The following TFPI variants were observed in gnomAD, a reference collection of about 807,000 sequenced individuals.
TFPI encodes the protein tissue factor pathway inhibitor.
TFPI carries 15 observed loss-of-function variants against 34.6 expected under a neutral mutation model. The observed-to-expected ratio is 0.43, with a 90% CI of 0.29 to 0.67. TFPI has a LOEUF of 0.67. Ranked by LOEUF, TFPI falls within the 30% of genes least tolerant of loss-of-function variation. TFPI has a pLI of 0.15. For synonymous variants in TFPI, 105 were observed against 120.1 expected, an observed-to-expected ratio of 0.87 and a Z score of 0.82; for missense variants, 301 against 364.0, an observed-to-expected ratio of 0.83 and a Z score of 1.41.
chr2:187,503,564 A>T, intron 2 of TFPI, 84 bp downstream of exon 2: 1 of 1,510,590 alleles, frequency 6.6e-7, no homozygotes, highest in East Asian at 2.3e-5. Flanking sequence ...ATTTCCCTCC[A>T]CAATGGAAAA....
chr2:187,532,029 T>G (rs1490103600), intron 1 of TFPI, among the ~76,000 whole-genome samples: 1 of 152,164 alleles, frequency 6.6e-6, no homozygotes, highest in Non-Finnish European at 1.5e-5. Context: ...CTTTTTACAC[T>G]GGAAAAGTAA....
chr2:187,543,043 T>C (rs983878198), intron 1 of TFPI, among the ~76,000 whole-genome samples: 1 of 152,164 alleles, frequency 6.6e-6, no homozygotes, highest in African/African-American at 2.4e-5. Context: ...AGCAAGACTT[T>C]GACAGGTGCT....
intron 2 of TFPI, 59 bp from the exon 3 acceptor site, chr2:187,497,137 C>A (rs1392341838): frequency 3.1e-5 from 44 of 1,413,848 alleles, no homozygotes; most frequent in Non-Finnish European, 4.0e-5. Context: ...TAATAATGTT[C>A]TTTATTTCCT....
Position 187,484,113 on chromosome 2 carries a change from A to C in TFPI, c.628+11T>G. ...GTTTCCTGGAAGCAATAAAATCCAC[A>C]AGATTCTTACCAAAAAGGCTGGGAA... is the stretch of plus-strand genomic sequence containing the variant. On this transcript the variant is annotated intron_variant, in intron 6 of 7. Transcript: ENST00000233156. 1.2e-6 allele frequency: 2 copies of C among 1,610,408 alleles called. No individual in the cohort carries two copies. The highest frequency in any genetic ancestry group is 1.7e-6 in the Non-Finnish European group (2 of 1,177,218).
At chr2:187,523,222 A>T (rs1429845593) in intron 1 of TFPI, among the ~76,000 whole-genome samples, 1 of 152,168 alleles carries the variant, frequency 6.6e-6, no homozygotes, top group Non-Finnish European at 1.5e-5. Flanking sequence ...AACTTTGTTT[A>T]AGTGAAACAT....
intron 4 of TFPI, among the ~76,000 whole-genome samples, chr2:187,485,726 T>G (rs1158075658): frequency 4.6e-5 from 7 of 151,658 alleles, no homozygotes; most frequent in Non-Finnish European, 7.4e-5. Flanking sequence ...TGTGCCACTG[T>G]GATCTACATC....
At chr2:187,472,176 T>C (rs1692078360) in intron 6 of TFPI, among the ~76,000 whole-genome samples, 1 of 152,174 alleles carries the variant, frequency 6.6e-6, no homozygotes, top group Non-Finnish European at 1.5e-5. Context: ...TAATATTCTA[T>C]ATTACTATAC....
At chr2:187,537,614 A>G (rs1012981566) in intron 1 of TFPI, among the ~76,000 whole-genome samples, 2 of 152,200 alleles carry the variant, frequency 1.3e-5, no homozygotes, top group African/African-American at 4.8e-5. Context: ...ACTTAAATGT[A>G]AGTCCTAAAA....
chr2:187,482,831 G>C (rs1692975156), intron 6 of TFPI, among the ~76,000 whole-genome samples: 1 of 151,896 alleles, frequency 6.6e-6, no homozygotes, highest in Non-Finnish European at 1.5e-5. Context: ...GAAATAGGCA[G>C]GACTAAAGGG....
At chr2:187,528,085 C>A (rs1480617283) in intron 1 of TFPI, among the ~76,000 whole-genome samples, 2 of 151,992 alleles carry the variant, frequency 1.3e-5, no homozygotes, top group Admixed American at 6.6e-5. Flanking sequence ...TAAATGTTTT[C>A]TATTTCTAAA....
intron 6 of TFPI, 102 bp downstream of exon 6, chr2:187,484,022 G>C: frequency 2.2e-6 from 2 of 901,446 alleles, no homozygotes; most frequent in Non-Finnish European, 3.5e-6. Flanking sequence ...CAACAACGCA[G>C]GTATATATAT....
At chr2:187,550,047 A>G (rs995407993) in intron 1 of TFPI, among the ~76,000 whole-genome samples, 4 of 152,100 alleles carry the variant, frequency 2.6e-5, no homozygotes, top group South Asian at 4.2e-4. Flanking sequence ...GAGGAACTCT[A>G]CAAGAACCCA....
chr2:187,482,961 A>G (rs1692986613), intron 6 of TFPI, among the ~76,000 whole-genome samples: 1 of 151,930 alleles, frequency 6.6e-6, no homozygotes, highest in Non-Finnish European at 1.5e-5. Flanking sequence ...CTCTTTAATC[A>G]TGTTTCAAAT....
intron 1 of TFPI, among the ~76,000 whole-genome samples, chr2:187,511,333 A>T (rs1180269932): frequency 1.3e-5 from 2 of 152,032 alleles, no homozygotes; most frequent in Admixed American, 1.3e-4. Context: ...GGATGGCTTG[A>T]TACTTTGGTT....
At chr2:187,475,148 A>G (rs976088069) in intron 6 of TFPI, among the ~76,000 whole-genome samples, 2 of 152,164 alleles carry the variant, frequency 1.3e-5, no homozygotes, top group Non-Finnish European at 2.9e-5. Context: ...TCATACTCCC[A>G]GTACCTATGG....
intron 6 of TFPI, among the ~76,000 whole-genome samples, chr2:187,481,515 C>CGAAATCACGTAGGTTTTAA (rs1692852199): frequency 6.6e-6 from 1 of 151,926 alleles, no homozygotes; most frequent in South Asian, 2.1e-4. Context: ...GGGGCAGATT[C>CGAAATCACGTAGGTTTTAA]GAAATCACGT....
intron 1 of TFPI, chr2:187,526,904 CTT>C (rs1212108126): frequency 1.3e-5 from 2 of 152,072 alleles, no homozygotes; most frequent in African/African-American, 4.8e-5. Flanking sequence ...ATTGAAGAAT[CTT>C]TCTAATTTTC....
intron 1 of TFPI, among the ~76,000 whole-genome samples, chr2:187,508,798 GC>G (rs909976246): frequency 2.0e-5 from 3 of 152,014 alleles, no homozygotes; most frequent in Admixed American, 2.0e-4. Flanking sequence ...TCTTTCTCTT[GC>G]CTGAGTGCCC....
chr2:187,541,881 A>T (rs1688599588), intron 1 of TFPI, among the ~76,000 whole-genome samples: 1 of 152,194 alleles, frequency 6.6e-6, no homozygotes, highest in Admixed American at 6.5e-5. Context: ...GGAAGTGATT[A>T]TTGCCAGAAA....
Sources: gnomAD v4.1 joint callset for allele counts (sites outside exome capture counted in the v4.1 genomes callset) on GRCh38, gnomAD v4.1.1 for gene constraint, MANE v1.5 for transcripts, NCBI Gene and HGNC (gene_info 2026-07-23, HGNC 2026-07-21) for gene names.